The following CELF2 variants were observed in gnomAD, a reference collection of about 807,000 sequenced individuals.
CELF2 encodes the protein CUG triplet repeat RNA-binding protein 2.
Under a neutral mutation model 62.6 loss-of-function variants are expected in CELF2, and 8 were observed. The ratio of observed to expected loss-of-function variants is 0.13; its 90% CI spans 0.07 to 0.23. CELF2 has a LOEUF of 0.23. Ranked by LOEUF, CELF2 falls within the 10% of genes least tolerant of loss-of-function variation. The probability of loss-of-function intolerance (pLI) is 1.00; values close to 1 mark genes in which losing one functional copy is unlikely to be tolerated. For synonymous variants in CELF2, 258 were observed against 250.0 expected (o/e 1.03, Z -0.30); for missense variants, 333 against 671.0 (o/e 0.50, Z 5.56).
At chr10:10,708,021 T>C in the CELF2 span, among the ~76,000 whole-genome samples, 1 of 152,200 alleles carries the variant, frequency 6.6e-6, no homozygotes, top group Non-Finnish European at 1.5e-5. Flanking sequence ...AACGGTGACA[T>C]TTCACCAATT....
At chr10:10,969,894 A>G (rs1345612552) in intron 2 of CELF2, among the ~76,000 whole-genome samples, 1 of 152,152 alleles carries the variant, frequency 6.6e-6, no homozygotes, top group African/African-American at 2.4e-5. Flanking sequence ...TTACCAATGT[A>G]CTACCTAATA....
At chr10:10,967,825 A>T (rs1365989186) in intron 2 of CELF2, among the ~76,000 whole-genome samples, 1 of 152,180 alleles carries the variant, frequency 6.6e-6, no homozygotes, top group Non-Finnish European at 1.5e-5. Flanking sequence ...TATGTCCTCC[A>T]CATAGACAGA....
chr10:11,198,701 G>A (rs2058543348), intron 2 of CELF2, among the ~76,000 whole-genome samples: 1 of 152,168 alleles, frequency 6.6e-6, no homozygotes, highest in South Asian at 2.1e-4. Context: ...GACCCAGAAG[G>A]GCATGGTCAA....
At chr10:10,727,784 AAAAAG>A in the CELF2 span, among the ~76,000 whole-genome samples, 1 of 152,032 alleles carries the variant, frequency 6.6e-6, no homozygotes, top group African/African-American at 2.4e-5. Flanking sequence ...TCAAAAAAAA[AAAAAG>A]AAAGAAAGAA....
At chr10:10,721,223 G>A in the CELF2 span, among the ~76,000 whole-genome samples, 1 of 152,232 alleles carries the variant, frequency 6.6e-6, no homozygotes, top group South Asian at 2.1e-4. Context: ...GCCAAATGCT[G>A]GGTTTGGGCA....
rs1230057179 is a variant in CELF2 at position 11,275,085 on chromosome 10, A to T, written c.806A>T (p.Asn269Ile). The part of the protein sequence containing the change: ...ALLQQATSSS[N>I]LGAFSGIQQM... The stretch of plus-strand genomic sequence containing the variant: ...CTGCAGCAGGCCACCTCCTCCAGCA[A>T]CCTGGGTGCGTTCAGCGGCATTCAA... Residue 269 changes from asparagine to isoleucine, a missense_variant, in exon 8 of 13, where the codon AAC becomes ATC. Asn to Ile is a moderately radical substitution (Grantham distance 149, BLOSUM62 -3). Coordinates refer to ENST00000633077, the MANE Select transcript of CELF2 (RefSeq NM_001326342.2). 6.2e-7 allele frequency: 1 copy of T among 1,614,170 alleles called. No homozygotes were observed. Among genetic ancestry groups the T allele is most frequent in the Admixed American group, 1.7e-5 (1 of 60,026 alleles).
intron 9 of CELF2, among the ~76,000 whole-genome samples, chr10:11,291,618 T>G (rs2092537946): frequency 6.6e-6 from 1 of 152,222 alleles, no homozygotes; most frequent in African/African-American, 2.4e-5. Context: ...GAAGCCTAAT[T>G]TAATCATGTT....
chr10:10,539,652 C>T, the CELF2 span, among the ~76,000 whole-genome samples: 4 of 152,154 alleles, frequency 2.6e-5, no homozygotes, highest in Admixed American at 2.6e-4. Flanking sequence ...TACATTTATT[C>T]CTAAACGATA....
chr10:11,114,108 C>A (rs1027246757), intron 1 of CELF2, among the ~76,000 whole-genome samples: 4 of 152,190 alleles, frequency 2.6e-5, no homozygotes, highest in Non-Finnish European at 5.9e-5. Flanking sequence ...ATTTCTCCCT[C>A]TGCTTACTTT....
At position 11,110,211 on chromosome 10, in the gene CELF2, C is replaced by G. The variant is rs562693762; in HGVS notation, c.75-55275C>G. On this transcript the variant is annotated intron_variant, in intron 1 of 12. Coordinates refer to ENST00000633077, the MANE Select transcript of CELF2 (RefSeq NM_001326342.2). The surrounding 1 kb of genome is among the most constrained non-coding windows in gnomAD (Gnocchi z 4.0). Reference sequence around the variant, plus strand: ...ATCACTTGAGCCTGAGAGGTCAAGGCTGCATGGAACCCTGAACGTCCTACC... The same window carrying G: ...ATCACTTGAGCCTGAGAGGTCAAGGGTGCATGGAACCCTGAACGTCCTACC... Among the ~76,000 whole-genome samples, 1 of 152,190 alleles carries G rather than the reference C, an allele frequency of 6.6e-6. No homozygotes were observed. The highest frequency in any genetic ancestry group is 1.9e-4 in the East Asian group (1 of 5,178).
At chr10:10,589,796 C>T in the CELF2 span, among the ~76,000 whole-genome samples, 16 of 152,168 alleles carry the variant, frequency 1.1e-4, no homozygotes, top group East Asian at 1.9e-4. Context: ...GACAGTGAGT[C>T]GCAGAAAGGC....
rs911229734 is a variant in CELF2, at chr10:11,008,545, G to A, written c.53+3105G>A. Among the ~76,000 whole-genome samples, 6 of 152,288 alleles carry A rather than the reference G, an allele frequency of 3.9e-5. No individual in the cohort carries two copies. The highest frequency in any genetic ancestry group is 4.1e-4 in the South Asian group (2 of 4,822). ...CAAGTGCAGATTGTGCTAGAAGACCGAGGAAGTCATTCAAAGAGTGAATCA... is the reference window on the plus strand; with the variant it reads ...CAAGTGCAGATTGTGCTAGAAGACCAAGGAAGTCATTCAAAGAGTGAATCA... On this transcript the variant is annotated intron_variant, in intron 1 of 12. Transcript: ENST00000416382. This position sits in a 1 kb window ranked among gnomAD's most constrained non-coding sequence, Gnocchi z 4.5.
At chr10:11,103,609 G>T (rs769380315) in intron 1 of CELF2, among the ~76,000 whole-genome samples, 1 of 150,866 alleles carries the variant, frequency 6.6e-6, no homozygotes, top group African/African-American at 2.4e-5. Context: ...AGGTCGTCAT[G>T]ATTATCTGAG....
intron 1 of CELF2, among the ~76,000 whole-genome samples, chr10:10,914,883 C>G (rs1279796233): frequency 6.6e-6 from 1 of 152,130 alleles, no homozygotes; most frequent in East Asian, 1.9e-4. Flanking sequence ...AATCCCAGCA[C>G]TTTGGGAGGC....
At chr10:11,264,943 C>T (rs576397986) in intron 5 of CELF2, among the ~76,000 whole-genome samples, 13 of 152,326 alleles carry the variant, frequency 8.5e-5, no homozygotes, top group Admixed American at 8.5e-4. Context: ...AGATGAGTTT[C>T]TCATGTACTG....
At chr10:10,690,165 T>C in the CELF2 span, among the ~76,000 whole-genome samples, 1 of 152,212 alleles carries the variant, frequency 6.6e-6, no homozygotes, top group African/African-American at 2.4e-5. Flanking sequence ...TATATAGGTT[T>C]CCTCCTTGCT....
the CELF2 span, among the ~76,000 whole-genome samples, chr10:10,574,883 T>C: frequency 0.056 from 5,307 of 94,360 alleles, 354 homozygotes; most frequent in African/African-American, 0.2. Context: ...TTTTTTTTTT[T>C]TTTTTTTTTT....
chr10:11,071,118 TA>T (rs2069832919), intron 1 of CELF2, among the ~76,000 whole-genome samples: 2 of 152,248 alleles, frequency 1.3e-5, no homozygotes, highest in South Asian at 4.1e-4. Flanking sequence ...TTATCGAGGC[TA>T]ATTCTGCTGT....
At chr10:11,254,318 C>T (rs2078038953) in intron 4 of CELF2, among the ~76,000 whole-genome samples, 1 of 152,270 alleles carries the variant, frequency 6.6e-6, no homozygotes, top group African/African-American at 2.4e-5. Flanking sequence ...GTAAGAGATT[C>T]CCAAAGCCCA....
Sources: allele counts gnomAD v4.1 joint callset (sites outside exome capture counted in the v4.1 genomes callset), GRCh38; gene constraint gnomAD v4.1.1; non-coding constraint Gnocchi (gnomAD v3.1); transcripts MANE v1.5; gene names NCBI Gene and HGNC (gene_info 2026-07-23, HGNC 2026-07-21).